Variants in SLCO1B1 observed in about 807,000 individuals in gnomAD.
SLCO1B1 encodes solute carrier organic anion transporter family member 1B1, also known as OATP-2.
In SLCO1B1, 81 loss-of-function variants were observed where a neutral mutation model predicts 70.1. That is an observed-to-expected ratio of 1.16 (90% CI 0.97 to 1.39). The LOEUF is 1.39. Ranked by LOEUF, SLCO1B1 falls within the 40% of genes most tolerant of loss-of-function variation. The pLI, the probability that SLCO1B1 is intolerant of heterozygous loss-of-function variation, is 0.00. For synonymous variants in SLCO1B1, 283 were observed against 271.5 expected, an observed-to-expected ratio of 1.04 and a Z score of -0.42; for missense variants, 895 against 799.6, an observed-to-expected ratio of 1.12 and a Z score of -1.44.
chr12:21,168,137 T>C (rs1047741430), intron 2 of SLCO1B1, among the ~76,000 whole-genome samples: 29 of 152,110 alleles, frequency 1.9e-4, no homozygotes, highest in Non-Finnish European at 2.9e-5. Context: ...AAATATTTCA[T>C]ATGATAGAAT....
chr12:21,195,004 A>G (rs1941074644), intron 7 of SLCO1B1, among the ~76,000 whole-genome samples: 1 of 152,124 alleles, frequency 6.6e-6, no homozygotes, highest in Non-Finnish European at 1.5e-5. Context: ...CTCATACACT[A>G]TTGCAAGGAC....
chr12:21,210,851 GCTCT>G (rs1382327654), intron 11 of SLCO1B1, among the ~76,000 whole-genome samples: 3 of 151,552 alleles, frequency 2.0e-5, no homozygotes, highest in Non-Finnish European at 2.9e-5. Context: ...TCATGATTTG[GCTCT>G]CTGTTTGTCT....
At chr12:21,213,554 C>A (rs1941316127) in intron 11 of SLCO1B1, among the ~76,000 whole-genome samples, 1 of 137,970 alleles carries the variant, frequency 7.2e-6, no homozygotes, top group South Asian at 2.3e-4. Flanking sequence ...TGGAGTTGCT[C>A]TTCTCAAGGA....
intron 2 of SLCO1B1, among the ~76,000 whole-genome samples, chr12:21,150,395 C>A (rs1044511883): frequency 6.6e-6 from 1 of 152,144 alleles, no homozygotes; most frequent in Non-Finnish European, 1.5e-5. Flanking sequence ...TGCCTCCTGA[C>A]TGGGAGACAC....
chr12:21,230,487 T>C (rs1310729766), intron 14 of SLCO1B1, among the ~76,000 whole-genome samples: 3 of 151,826 alleles, frequency 2.0e-5, no homozygotes, highest in African/African-American at 7.3e-5. Context: ...TGCACCACCA[T>C]ACCCGGCTAA....
chr12:21,145,481 T>A (rs946997201), intron 2 of SLCO1B1, among the ~76,000 whole-genome samples: 1 of 138,414 alleles, frequency 7.2e-6, no homozygotes, highest in African/African-American at 2.7e-5. Flanking sequence ...TCATTTTTTT[T>A]TTTTTTTTTT....
intron 14 of SLCO1B1, among the ~76,000 whole-genome samples, chr12:21,227,326 TG>T (rs1342957701): frequency 6.6e-6 from 1 of 152,020 alleles, no homozygotes; most frequent in Non-Finnish European, 1.5e-5. Context: ...TATTTTTATA[TG>T]AAAAAAAAGA....
intron 2 of SLCO1B1, among the ~76,000 whole-genome samples, chr12:21,161,782 C>T (rs544175891): frequency 3.3e-5 from 5 of 151,954 alleles, no homozygotes; most frequent in Admixed American, 2.6e-4. Context: ...CCGAGGTGGG[C>T]GAATCACTTG....
intron 14 of SLCO1B1, among the ~76,000 whole-genome samples, chr12:21,225,235 G>C (rs924710082): frequency 6.6e-6 from 1 of 151,952 alleles, no homozygotes; most frequent in East Asian, 1.9e-4. Context: ...GTGTGTATTC[G>C]ATTGCCTCTG....
intron 2 of SLCO1B1, among the ~76,000 whole-genome samples, chr12:21,171,058 G>A (rs1940750724): frequency 6.6e-6 from 1 of 152,194 alleles, no homozygotes; most frequent in Non-Finnish European, 1.5e-5. Context: ...TTCTGCTGTG[G>A]CAATATAAAA....
intron 1 of SLCO1B1, among the ~76,000 whole-genome samples, chr12:21,136,759 C>A (rs1054759093): frequency 6.6e-6 from 1 of 152,108 alleles, no homozygotes; most frequent in African/African-American, 2.4e-5. Context: ...CTTTTAACTT[C>A]TTTGCCATTG....
Position 21,200,665 on chromosome 12 carries a change from C to CT in SLCO1B1, c.1130dup (p.Leu377PhefsTer22). The CT allele has an allele frequency of 6.2e-7, 1 of 1,611,514 alleles. No homozygotes were observed. Among genetic ancestry groups the CT allele is most frequent in the South Asian group, 1.1e-5 (1 of 90,890 alleles). ...GTCAGCCTTCATCTAAGGCTAACAT[C>CT]TTATTGGGTAAGACATATTTTTTAC... On this transcript the variant is annotated frameshift_variant, in exon 9 of 15. Transcript: ENST00000256958. LOFTEE classifies it high-confidence loss of function.
chr12:21,162,327 TTAAA>T (rs1233361613), intron 2 of SLCO1B1, among the ~76,000 whole-genome samples: 69 of 152,076 alleles, frequency 4.5e-4, no homozygotes, highest in Non-Finnish European at 8.1e-4. Flanking sequence ...TTTAAATAGT[TTAAA>T]TAGAGAAAAA....
intron 2 of SLCO1B1, among the ~76,000 whole-genome samples, chr12:21,161,321 C>T (rs1940616415): frequency 6.6e-6 from 1 of 152,178 alleles, no homozygotes; most frequent in Non-Finnish European, 1.5e-5. Context: ...CTATGGAATA[C>T]TATGCAGCCA....
intron 8 of SLCO1B1, 46 bp from the exon 9 acceptor site, chr12:21,200,462 A>G (rs1941143406): frequency 7.8e-7 from 1 of 1,286,222 alleles, no homozygotes; most frequent in South Asian, 1.5e-5. Flanking sequence ...ATAAATGTAT[A>G]TTTAAGTTGC....
chr12:21,208,936 G>C lies in SLCO1B1; in HGVS notation c.1497+2903G>C, dbSNP rs1351678819. On this transcript the variant is annotated intron_variant, in intron 11 of 14. Coordinates refer to ENST00000256958, the MANE Select transcript of SLCO1B1 (RefSeq NM_006446.5). ...TTGGGTATCAGTTTAACTGTTATCG[G>C]TGTATAGAAATGCTACTAATTTTTT... Among the ~76,000 whole-genome samples the C allele has an allele frequency of 3.9e-5, 6 of 152,028 alleles. No individual in the cohort carries two copies. The East Asian group carries it at 1.2e-3, about 29-fold the overall frequency.
At chr12:21,142,683 A>C (rs537195534) in intron 2 of SLCO1B1, among the ~76,000 whole-genome samples, 8 of 152,204 alleles carry the variant, frequency 5.3e-5, no homozygotes, top group Non-Finnish European at 1.0e-4. Flanking sequence ...GCCAAGTGGC[A>C]GTCATAAGGA....
intron 2 of SLCO1B1, among the ~76,000 whole-genome samples, chr12:21,154,165 A>C (rs1940510085): frequency 6.6e-6 from 1 of 152,058 alleles, no homozygotes; most frequent in African/African-American, 2.4e-5. Context: ...ATAACAAGAC[A>C]AACATTCTAG....
intron 7 of SLCO1B1, among the ~76,000 whole-genome samples, chr12:21,192,751 C>T (rs914633828): frequency 3.9e-5 from 6 of 151,960 alleles, no homozygotes; most frequent in Admixed American, 1.3e-4. Flanking sequence ...TGAGAGCAAA[C>T]AATGCCAGAT....
Sources: gnomAD v4.1 joint callset for allele counts (sites outside exome capture counted in the v4.1 genomes callset) on GRCh38, gnomAD v4.1.1 for gene constraint, MANE v1.5 for transcripts, NCBI Gene and HGNC (gene_info 2026-07-23, HGNC 2026-07-21) for gene names.